Variants in RNF138 observed in about 807,000 individuals in gnomAD.
The protein encoded by RNF138 is ring finger protein 138, also known as E3 ubiquitin-protein ligase RNF138.
RNF138 carries 12 observed loss-of-function variants against 31.0 expected under a neutral mutation model. The observed-to-expected ratio is 0.39, with a 90% CI of 0.25 to 0.63. The LOEUF (loss-of-function observed/expected upper bound fraction) is 0.63. Ranked by LOEUF, RNF138 falls within the 20% of genes least tolerant of loss-of-function variation. The pLI is 0.52. For missense variants in RNF138, 192 were observed against 300.1 expected (o/e 0.64, Z 2.66); for synonymous variants, 105 against 99.5 (o/e 1.06, Z -0.33).
At chr18:32,128,698 A>G (rs1010074084) in intron 7 of RNF138, among the ~76,000 whole-genome samples, 5 of 152,138 alleles carry the variant, frequency 3.3e-5, no homozygotes, top group Non-Finnish European at 7.3e-5. Flanking sequence ...TATTTTTTAA[A>G]GTGACAGTCT....
intron 2 of RNF138, among the ~76,000 whole-genome samples, chr18:32,102,490 T>C (rs8085407): frequency 0.65 from 98,644 of 151,740 alleles, 32,352 homozygotes; most frequent in East Asian, 0.74. Context: ...CGTGAGCCAC[T>C]GTGCCTGGCC....
chr18:32,113,553 C>G (rs1568234502), intron 3 of RNF138, among the ~76,000 whole-genome samples, 192 bp from the exon 4 acceptor site: 1 of 152,204 alleles, frequency 6.6e-6, no homozygotes, highest in East Asian at 1.9e-4. Flanking sequence ...TCTTCTCCAT[C>G]TCTACATTTA....
In RNF138 at chr18:32,129,240, G is replaced by A. The variant is rs1404136878; in HGVS notation, c.*53G>A. 3 of 1,140,050 alleles carry A rather than the reference G, an allele frequency of 2.6e-6. No individual in the cohort carries two copies. The East Asian group carries it at 7.0e-5, about 27-fold the overall frequency. The allele number at this position is 1,140,050 out of a possible 1,614,324, so 70.6% of individuals were successfully genotyped here. The stretch of plus-strand genomic sequence containing the variant: ...ACCTGCAAGTGCCATCTTTAAGGGG[G>A]AAACTACATGAAGTCACCGTTACAG... On this transcript the variant is annotated 3_prime_UTR_variant, in exon 8 of 8. Transcript: ENST00000261593.
chr18:32,109,318 T>G (rs979977907), intron 2 of RNF138: 1 of 152,368 alleles, frequency 6.6e-6, no homozygotes, highest in African/African-American at 2.4e-5. Context: ...CATGCCAGGC[T>G]AGTAGAGATG....
At chr18:32,102,975 T>A (rs1470950412) in intron 2 of RNF138, among the ~76,000 whole-genome samples, 1 of 152,188 alleles carries the variant, frequency 6.6e-6, no homozygotes, top group Non-Finnish European at 1.5e-5. Context: ...CTAAATTGAT[T>A]TTTTGCTTTT....
At chr18:32,101,596 A>G (rs992079164) in intron 2 of RNF138, among the ~76,000 whole-genome samples, 3 of 152,154 alleles carry the variant, frequency 2.0e-5, no homozygotes, top group African/African-American at 7.2e-5. Flanking sequence ...CAAGATCATG[A>G]ATGGATAGTT....
chr18:32,124,353 C>CA (rs2040352876), intron 5 of RNF138: 1 of 157,188 alleles, frequency 6.4e-6, no homozygotes, highest in Admixed American at 6.3e-5. Context: ...AAAAGGTTTG[C>CA]AAAATGTGGA....
At chr18:32,121,200 A>T (rs1386686463) in intron 4 of RNF138, among the ~76,000 whole-genome samples, 6 of 151,624 alleles carry the variant, frequency 4.0e-5, no homozygotes, top group Non-Finnish European at 7.4e-5. Context: ...TAAAATAAAA[A>T]TTTTTTCAAT....
intron 2 of RNF138, among the ~76,000 whole-genome samples, chr18:32,096,991 C>T (rs2144561868): frequency 6.6e-6 from 1 of 152,184 alleles, no homozygotes; most frequent in East Asian, 1.9e-4. Flanking sequence ...CTCAGCCTCC[C>T]AAAGTGCTGG....
In RNF138 at chr18:32,129,538, A is replaced by G. The variant is rs2040439453; in HGVS notation, c.*351A>G. Reference sequence around the variant, plus strand: ...TTCCTCCCATTTACTTTATTATTGTACACATTTAACACACAGTAGCAAATT... The same window carrying G: ...TTCCTCCCATTTACTTTATTATTGTGCACATTTAACACACAGTAGCAAATT... On this transcript the variant is annotated 3_prime_UTR_variant, in exon 8 of 8. Coordinates refer to ENST00000261593, the MANE Select transcript of RNF138 (RefSeq NM_016271.5). 5.6e-6 allele frequency: 1 copy of G among 177,800 alleles called. No homozygotes were observed. Among genetic ancestry groups the G allele is most frequent in the Admixed American group, 5.8e-5 (1 of 17,348 alleles). 11.0% of individuals were successfully genotyped at this position (177,800 alleles called of 1,614,324 possible). A position where few individuals can be genotyped will look rare whatever the true frequency, so the allele number is the denominator to read the frequency against.
intron 2 of RNF138, among the ~76,000 whole-genome samples, chr18:32,100,183 C>T (rs1253819074): frequency 6.7e-6 from 1 of 149,894 alleles, no homozygotes; most frequent in East Asian, 1.9e-4. Flanking sequence ...CCTCTTGGAG[C>T]TGGGTGTTAG....
At chr18:32,097,981 TTTTG>T (rs776239716) in intron 2 of RNF138, among the ~76,000 whole-genome samples, 74 of 150,178 alleles carry the variant, frequency 4.9e-4, no homozygotes, top group Admixed American at 8.0e-4. Context: ...TGTGTGTTAT[TTTTG>T]TTTGTTTGTT....
intron 7 of RNF138, among the ~76,000 whole-genome samples, chr18:32,128,522 AGCCAAACT>A (rs879691221): frequency 2.6e-5 from 4 of 152,208 alleles, no homozygotes; most frequent in Non-Finnish European, 5.9e-5. Context: ...TGAGTGACAG[AGCCAAACT>A]GCCCCCCAAA....
intron 2 of RNF138, among the ~76,000 whole-genome samples, chr18:32,100,020 G>A (rs1301256224): frequency 5.3e-5 from 8 of 152,176 alleles, no homozygotes; most frequent in African/African-American, 1.9e-4. Flanking sequence ...TTTGAGAACT[G>A]TCAATTATAT....
intron 4 of RNF138, among the ~76,000 whole-genome samples, chr18:32,121,393 G>A (rs2040303540): frequency 6.6e-6 from 1 of 152,106 alleles, no homozygotes; most frequent in Non-Finnish European, 1.5e-5. Flanking sequence ...TTCTCAGGAG[G>A]CTGAGGCAGG....
chr18:32,102,030 C>T (rs2039949913), intron 2 of RNF138, among the ~76,000 whole-genome samples: 1 of 150,834 alleles, frequency 6.6e-6, no homozygotes, highest in Non-Finnish European at 1.5e-5. Flanking sequence ...GCGTGCACCA[C>T]CATGCCTGGC....
chr18:32,109,454 T>A (rs2040091385), intron 2 of RNF138: 1 of 152,172 alleles, frequency 6.6e-6, no homozygotes, highest in African/African-American at 2.4e-5. Context: ...TTACTATTTT[T>A]TTAGAGACAG....
At chr18:32,114,085 T>C in intron 4 of RNF138, 2 of 337,042 alleles carry the variant, frequency 5.9e-6, no homozygotes, top group Non-Finnish European at 1.1e-5. Flanking sequence ...CTTATGTTAT[T>C]TAAAATCATT....
intron 4 of RNF138, chr18:32,122,327 AAAG>A (rs1372286401): frequency 6.6e-6 from 1 of 152,212 alleles, no homozygotes; most frequent in Non-Finnish European, 1.5e-5. Context: ...AGTAAACAGA[AAAG>A]AAAGATCAGC....
Sources: gnomAD v4.1 joint callset for allele counts (sites outside exome capture counted in the v4.1 genomes callset) on GRCh38, gnomAD v4.1.1 for gene constraint, MANE v1.5 for transcripts, NCBI Gene and HGNC (gene_info 2026-07-23, HGNC 2026-07-21) for gene names.